Variants in ATP6V1C1 observed in about 807,000 individuals in gnomAD.
The protein encoded by ATP6V1C1 is V-type proton ATPase subunit C 1.
A neutral mutation model predicts 53.9 loss-of-function variants in ATP6V1C1; 45 were observed. That is an observed-to-expected ratio of 0.83 (90% CI 0.66 to 1.07). The LOEUF (loss-of-function observed/expected upper bound fraction) is 1.07, where lower values mean the gene tolerates loss of function less well. Ranked by LOEUF, ATP6V1C1 falls within the 50% of genes least tolerant of loss-of-function variation. The pLI is 0.00. For synonymous variants in ATP6V1C1, 153 were observed against 155.2 expected (o/e 0.99, Z 0.11); for missense variants, 315 against 440.3 (o/e 0.72, Z 2.55).
At chr8:103,041,058 C>T (rs1368143234) in intron 2 of ATP6V1C1, 90 bp downstream of exon 2, 1 of 1,379,852 alleles carries the variant, frequency 7.2e-7, no homozygotes. Flanking sequence ...TACCCAGGTT[C>T]CTTCCAAAGA....
chr8:103,040,375 C>G (rs958099673), intron 1 of ATP6V1C1, among the ~76,000 whole-genome samples: 1 of 150,780 alleles, frequency 6.6e-6, no homozygotes, highest in Non-Finnish European at 1.5e-5. Context: ...GATTATGCCA[C>G]TGTACTCCAG....
rs1458187734 is a variant in ATP6V1C1 at position 103,070,133 on chromosome 8, T to G, written c.*1386T>G. The G allele has an allele frequency of 1.3e-5, 2 of 152,232 alleles. No individual in the cohort carries two copies. The highest frequency in any genetic ancestry group is 6.5e-5 in the Admixed American group (1 of 15,278). 9.4% of individuals were successfully genotyped at this position (152,232 alleles called of 1,614,324 possible). A position where few individuals can be genotyped will look rare whatever the true frequency, so the allele number is the denominator to read the frequency against. On this transcript the variant is annotated 3_prime_UTR_variant, in exon 13 of 13. Transcript: ENST00000518738. ...TTAAGAGTATATCTAAGAGAATCCT[T>G]TGTGTCAGTGAAGCTGGAGCTACCT...
At chr8:103,059,420 G>A (rs1010142064) in intron 8 of ATP6V1C1, among the ~76,000 whole-genome samples, 1 of 152,010 alleles carries the variant, frequency 6.6e-6, no homozygotes, top group African/African-American at 2.4e-5. Context: ...AAACTCTCTA[G>A]TTGCCCTGTA....
chr8:103,044,388 T>C (rs1817058315), intron 3 of ATP6V1C1, among the ~76,000 whole-genome samples: 1 of 152,206 alleles, frequency 6.6e-6, no homozygotes, highest in African/African-American at 2.4e-5. Context: ...CTTTGATTCA[T>C]TTTGAGTTAA....
intron 5 of ATP6V1C1, among the ~76,000 whole-genome samples, chr8:103,051,985 C>T (rs1817208396): frequency 1.3e-5 from 2 of 152,030 alleles, no homozygotes; most frequent in South Asian, 2.1e-4. Flanking sequence ...CTAAAGTCAT[C>T]ATGTAATTTG....
At chr8:103,051,960 T>G (rs991347335) in intron 5 of ATP6V1C1, among the ~76,000 whole-genome samples, 2 of 152,100 alleles carry the variant, frequency 1.3e-5, no homozygotes, top group African/African-American at 4.8e-5. Context: ...ATAAATAGAC[T>G]ATCAAAGATT....
chr8:103,028,787 CTA>C (rs1157130116), intron 1 of ATP6V1C1, among the ~76,000 whole-genome samples: 1 of 152,174 alleles, frequency 6.6e-6, no homozygotes. Context: ...TTTTCTTTGA[CTA>C]TGATTCCCAG....
At chr8:103,059,878 G>GCA (rs199689509) in intron 8 of ATP6V1C1, among the ~76,000 whole-genome samples, 27 of 66,482 alleles carry the variant, frequency 4.1e-4, no homozygotes, top group East Asian at 2.0e-3. Context: ...CCCCCAGCAC[G>GCA]CACACACACA....
rs745694688 is a variant in ATP6V1C1 at position 103,042,333 on chromosome 8, C to T, written c.133-7C>T. The T allele has an allele frequency of 1.6e-4, 251 of 1,611,862 alleles. No homozygotes were observed. Among genetic ancestry groups the T allele is most frequent in the Non-Finnish European group, 2.0e-4 (240 of 1,179,284 alleles). On this transcript the variant is annotated splice_polypyrimidine_tract_variant and splice_region_variant and intron_variant, in intron 2 of 12. Coordinates refer to ENST00000518738, the MANE Select transcript of ATP6V1C1 (RefSeq NM_001695.5). The stretch of plus-strand genomic sequence containing the variant: ...GCCACCTAAATAACAATATATTTTC[C>T]TTTTAGGTTGGCACGTTGGATGTCT...
At chr8:103,067,991 G>T (rs1817524604) in intron 12 of ATP6V1C1, among the ~76,000 whole-genome samples, 1 of 152,076 alleles carries the variant, frequency 6.6e-6, no homozygotes. Flanking sequence ...TATAATAAGT[G>T]TTATCCTTGC....
At chr8:103,038,677 T>C (rs1315390980) in intron 1 of ATP6V1C1, among the ~76,000 whole-genome samples, 1 of 152,242 alleles carries the variant, frequency 6.6e-6, no homozygotes, top group African/African-American at 2.4e-5. Context: ...TTAAAATTAA[T>C]GATCACTGGA....
rs77143948 is a variant in ATP6V1C1, at chr8:103,023,909, G to A, written c.-40+2684G>A. On this transcript the variant is annotated intron_variant, in intron 1 of 12. Coordinates refer to ENST00000518738, the MANE Select transcript of ATP6V1C1 (RefSeq NM_001695.5). ...CTTTGATTCAGCATTTTTTTTTGGG[G>A]GGGGGGAACTTCTCCCTGAAGAGTC... is the stretch of plus-strand genomic sequence containing the variant. Among the ~76,000 whole-genome samples, 3 of 151,560 alleles carry A rather than the reference G, an allele frequency of 2.0e-5. No individual in the cohort carries two copies. In the East Asian group the frequency reaches 5.8e-4, roughly 29 times the overall value.
chr8:103,055,512 A>T (rs1817275292), intron 7 of ATP6V1C1, among the ~76,000 whole-genome samples: 1 of 152,130 alleles, frequency 6.6e-6, no homozygotes, highest in South Asian at 2.1e-4. Flanking sequence ...AGCAGGAATG[A>T]TAGTGATTTT....
At chr8:103,066,278 A>G (rs199897153) in intron 11 of ATP6V1C1, 43 bp from the exon 12 acceptor site, 24 of 1,568,628 alleles carry the variant, frequency 1.5e-5, no homozygotes, top group South Asian at 1.3e-4. Flanking sequence ...ATCTCTTTAC[A>G]TGTTTGCTTG....
chr8:103,071,994 GT>G lies in ATP6V1C1; in HGVS notation c.*3250del, dbSNP rs1448622668. 1 of 152,212 alleles carries G rather than the reference GT, an allele frequency of 6.6e-6. No individual in the cohort carries two copies. Among genetic ancestry groups the G allele is most frequent in the Non-Finnish European group, 1.5e-5 (1 of 68,040 alleles). 9.4% of individuals were successfully genotyped at this position (152,212 alleles called of 1,614,324 possible). ...GATGGGTTAGATAATGTGTCTAGTT[GT>G]TTGCATGCCAATTTCAGTAGCCTCA... is the stretch of plus-strand genomic sequence containing the variant. On this transcript the variant is annotated 3_prime_UTR_variant, in exon 13 of 13. Transcript: ENST00000518738.
intron 7 of ATP6V1C1, among the ~76,000 whole-genome samples, chr8:103,054,956 T>C (rs559608730): frequency 6.6e-6 from 1 of 152,266 alleles, no homozygotes; most frequent in South Asian, 2.1e-4. Context: ...TTCTGCATTT[T>C]TTTCCCCTTT....
intron 1 of ATP6V1C1, among the ~76,000 whole-genome samples, chr8:103,021,717 G>C (rs146849908): frequency 7.9e-5 from 12 of 152,238 alleles, no homozygotes; most frequent in Non-Finnish European, 1.2e-4. Flanking sequence ...AACCCTCACA[G>C]AGTACACAAG....
intron 8 of ATP6V1C1, among the ~76,000 whole-genome samples, chr8:103,056,437 AC>A (rs1355755846): frequency 1.3e-5 from 2 of 152,178 alleles, no homozygotes; most frequent in Admixed American, 6.6e-5. Context: ...TAAAAAACAA[AC>A]CTGTTTTTAT....
intron 12 of ATP6V1C1, 105 bp downstream of exon 12, chr8:103,066,552 C>A: frequency 4.0e-6 from 5 of 1,256,878 alleles, no homozygotes; most frequent in East Asian, 2.6e-5. Context: ...GAAACTTAAT[C>A]ATTTTTTATT....
Sources: gnomAD v4.1 joint callset for allele counts (sites outside exome capture counted in the v4.1 genomes callset) on GRCh38, gnomAD v4.1.1 for gene constraint, MANE v1.5 for transcripts, NCBI Gene and HGNC (gene_info 2026-07-23, HGNC 2026-07-21) for gene names.